Variants in SRGAP1 observed in about 807,000 individuals in gnomAD.
The protein encoded by SRGAP1 is SLIT-ROBO Rho GTPase activating protein 1.
In SRGAP1, 43 loss-of-function variants were observed where a neutral mutation model predicts 121.9. That is an observed-to-expected ratio of 0.35 (90% confidence interval 0.28 to 0.46). SRGAP1 has a LOEUF of 0.46. SRGAP1 is among the 20% of genes least tolerant of loss of function. The pLI is 1.00. For synonymous variants in SRGAP1, 447 were observed against 485.4 expected (o/e 0.92, Z 1.04); for missense variants, 1,102 against 1,350.9 (o/e 0.82, Z 2.89).
intron 6 of SRGAP1, among the ~76,000 whole-genome samples, chr12:64,046,689 A>G (rs554378719): frequency 1.3e-5 from 2 of 152,272 alleles, no homozygotes; most frequent in South Asian, 4.2e-4. Flanking sequence ...TAGTCCTGCT[A>G]TGTCTGAGAA....
chr12:63,907,102 C>G (rs1427550329), intron 1 of SRGAP1, among the ~76,000 whole-genome samples: 1 of 152,146 alleles, frequency 6.6e-6, no homozygotes. Context: ...TTTTATCTAT[C>G]CTAGTGAATG....
chr12:64,132,515 C>T (rs1179036950), intron 21 of SRGAP1, among the ~76,000 whole-genome samples: 1 of 152,210 alleles, frequency 6.6e-6, no homozygotes, highest in Non-Finnish European at 1.5e-5. Flanking sequence ...AGGCGTTGTG[C>T]CTCTTTCTTG....
At chr12:64,014,879 T>C (rs938524603) in intron 3 of SRGAP1, among the ~76,000 whole-genome samples, 9 of 152,146 alleles carry the variant, frequency 5.9e-5, no homozygotes, top group African/African-American at 2.2e-4. Flanking sequence ...TGCAGTGCTG[T>C]GATCTCGGCT....
chr12:63,895,415 A>T (rs1348299669), intron 1 of SRGAP1, among the ~76,000 whole-genome samples: 1 of 152,242 alleles, frequency 6.6e-6, no homozygotes, highest in Non-Finnish European at 1.5e-5. Context: ...AACATTATTT[A>T]AAAATAATTA....
At chr12:63,889,198 G>C (rs896840976) in intron 1 of SRGAP1, among the ~76,000 whole-genome samples, 1 of 152,196 alleles carries the variant, frequency 6.6e-6, no homozygotes, top group Non-Finnish European at 1.5e-5. Flanking sequence ...GCCAAGCATA[G>C]AGTGGGGGCT....
intron 4 of SRGAP1, among the ~76,000 whole-genome samples, chr12:64,018,227 TACAGGCA>T: frequency 6.6e-6 from 1 of 152,096 alleles, no homozygotes; most frequent in Admixed American, 6.6e-5. Context: ...TAGCTGGGAT[TACAGGCA>T]TGCGCCAGCA....
chr12:63,955,027 CAAAT>C (rs1450598752), intron 1 of SRGAP1, among the ~76,000 whole-genome samples: 2 of 151,968 alleles, frequency 1.3e-5, no homozygotes, highest in African/African-American at 2.4e-5. Context: ...TTAAAATTAA[CAAAT>C]AAAAGGCCCG....
chr12:64,039,816 G>T (rs1352493407), intron 4 of SRGAP1, among the ~76,000 whole-genome samples: 2 of 152,080 alleles, frequency 1.3e-5, no homozygotes, highest in African/African-American at 4.8e-5. Context: ...GCTGCGGGGT[G>T]ACTCCCTTTT....
rs908864875 is a variant in SRGAP1, at chr12:64,145,777, A to G, written c.*3105A>G. ...AGCCCTTCTTTATAGCCACAGAGGCAGCACACAGGGGAGGTGGGAAGACAC... is the reference window on the plus strand; with the variant it reads ...AGCCCTTCTTTATAGCCACAGAGGCGGCACACAGGGGAGGTGGGAAGACAC... On this transcript the variant is annotated 3_prime_UTR_variant, in exon 22 of 22. Transcript: ENST00000355086. 2 of 152,306 alleles carry G rather than the reference A, an allele frequency of 1.3e-5. No individual in the cohort carries two copies. The highest frequency in any genetic ancestry group is 4.8e-5 in the African/African-American group (2 of 41,460). The allele number at this position is 152,306 out of a possible 1,614,324, so 9.4% of individuals were successfully genotyped here. A position where few individuals can be genotyped will look rare whatever the true frequency, so the allele number is the denominator to read the frequency against.
At position 64,152,662 on chromosome 12, in the gene SRGAP1, C is replaced by T. The variant is rs1207962444; in HGVS notation, c.*9990C>T. The T allele has an allele frequency of 6.6e-6, 1 of 152,208 alleles. No homozygotes were observed. Among genetic ancestry groups the T allele is most frequent in the African/African-American group, 2.4e-5 (1 of 41,458 alleles). 9.4% of individuals were successfully genotyped at this position (152,208 alleles called of 1,614,324 possible). Reference sequence around the variant, plus strand: ...ATGCTGTGTGCTCCCTCCGCATATACTTCATGTCATTCCTCAGCCTAAAAT... The same window carrying T: ...ATGCTGTGTGCTCCCTCCGCATATATTTCATGTCATTCCTCAGCCTAAAAT... On this transcript the variant is annotated 3_prime_UTR_variant, in exon 22 of 22. Coordinates refer to ENST00000355086, the MANE Select transcript of SRGAP1 (RefSeq NM_020762.4).
At chr12:63,993,128 A>G (rs2033600714) in intron 3 of SRGAP1, among the ~76,000 whole-genome samples, 1 of 152,194 alleles carries the variant, frequency 6.6e-6, no homozygotes, top group Admixed American at 6.5e-5. Context: ...GTCATCTGAA[A>G]GAATAGGAAG....
chr12:63,966,699 A>G (rs899290834), intron 1 of SRGAP1, among the ~76,000 whole-genome samples: 52 of 152,194 alleles, frequency 3.4e-4, no homozygotes, highest in Admixed American at 3.2e-3. Context: ...ACAGCATAGG[A>G]AAACAAGGGG....
At chr12:64,082,243 AC>A (rs2035860933) in intron 10 of SRGAP1, among the ~76,000 whole-genome samples, 1 of 151,924 alleles carries the variant, frequency 6.6e-6, no homozygotes, top group Non-Finnish European at 1.5e-5. Flanking sequence ...GCTTGGGGCC[AC>A]ATTCTGAAAC....
At chr12:64,108,687 C>T (rs149906122) in intron 15 of SRGAP1, 1 of 335,296 alleles carries the variant, frequency 3.0e-6, no homozygotes, top group African/African-American at 2.1e-5. Context: ...ATCTAGAAGA[C>T]TCTAAATTAC....
intron 3 of SRGAP1, among the ~76,000 whole-genome samples, chr12:63,995,651 G>T (rs947741888): frequency 1.3e-5 from 2 of 152,104 alleles, no homozygotes; most frequent in African/African-American, 4.8e-5. Flanking sequence ...TATAGGGAGG[G>T]ATTCAAAGCA....
intron 8 of SRGAP1, among the ~76,000 whole-genome samples, chr12:64,067,514 G>A (rs2035561776): frequency 6.6e-6 from 1 of 152,122 alleles, no homozygotes; most frequent in Non-Finnish European, 1.5e-5. Context: ...AAATGAATTG[G>A]ATTATCCTAA....
chr12:63,874,507 G>A (rs79981758), intron 1 of SRGAP1, among the ~76,000 whole-genome samples: 3,446 of 152,140 alleles, frequency 0.023, 64 homozygotes, highest in Middle Eastern at 0.037. Flanking sequence ...CCGGCCGAAA[G>A]TGTGACTTTT....
intron 1 of SRGAP1, among the ~76,000 whole-genome samples, chr12:63,951,362 C>T (rs2032290525): frequency 6.6e-6 from 1 of 151,928 alleles, no homozygotes; most frequent in African/African-American, 2.4e-5. Context: ...CGAGGTTTCG[C>T]CATGTTGGCC....
chr12:64,094,868 C>CTTA lies in SRGAP1; in HGVS notation c.1540-56_1540-54dup. ...CTTTAATTACTGTTAAACTCTAAGC[C>CTTA]TTATTATTATGAGGCATTTATACCT... On this transcript the variant is annotated intron_variant, in intron 12 of 21. Transcript: ENST00000355086. The CTTA allele has an allele frequency of 6.2e-6, 9 of 1,449,774 alleles. No homozygotes were observed. In the South Asian group the frequency reaches 9.3e-5, roughly 15 times the overall value. 89.8% of individuals were successfully genotyped at this position (1,449,774 alleles called of 1,614,324 possible).
Sources: gnomAD v4.1 joint callset for allele counts (sites outside exome capture counted in the v4.1 genomes callset) on GRCh38, gnomAD v4.1.1 for gene constraint, MANE v1.5 for transcripts, NCBI Gene and HGNC (gene_info 2026-07-23, HGNC 2026-07-21) for gene names.